NOP58: variants seen among roughly 807,000 people sequenced by gnomAD.
NOP58 encodes nucleolar protein 58.
A neutral mutation model predicts 71.2 loss-of-function variants in NOP58; 44 were observed. The ratio of observed to expected loss-of-function variants is 0.62; its 90% CI spans 0.49 to 0.79. The LOEUF (loss-of-function observed/expected upper bound fraction) is 0.79, where lower values mean the gene tolerates loss of function less well. NOP58 is among the 30% of genes least tolerant of loss of function. The pLI, the probability that NOP58 is intolerant of heterozygous loss-of-function variation, is 0.00. For synonymous variants in NOP58, 228 were observed against 200.3 expected (o/e 1.14, Z -1.17); for missense variants, 538 against 620.2 (o/e 0.87, Z 1.41).
intron 2 of NOP58, chr2:202,276,340 C>CA (rs140927221): frequency 0.045 from 7,894 of 176,826 alleles, 33 homozygotes; most frequent in South Asian, 0.077. Context: ...ACCCTGTCTC[C>CA]AAAAAAAAAA....
chr2:202,282,560 A>T (rs1305216156), intron 4 of NOP58, 88 bp downstream of exon 4: 18 of 1,321,436 alleles, frequency 1.4e-5, no homozygotes, highest in Non-Finnish European at 1.8e-5. Context: ...TAAGTTGCTT[A>T]TCATAAATTC....
At chr2:202,280,522 G>A (rs909375636) in intron 3 of NOP58, among the ~76,000 whole-genome samples, 3 of 152,182 alleles carry the variant, frequency 2.0e-5, no homozygotes, top group South Asian at 4.2e-4. Context: ...TAGTAGAGAC[G>A]GGGTTTTGCC....
At chr2:202,298,989 CTG>C (rs1262783890) in intron 12 of NOP58, among the ~76,000 whole-genome samples, 1 of 98,282 alleles carries the variant, frequency 1.0e-5, no homozygotes, top group African/African-American at 4.0e-5. Flanking sequence ...TTGAGACAGT[CTG>C]TCTCTGTTGC....
intron 1 of NOP58, 64 bp from the exon 2 acceptor site, chr2:202,275,049 G>T: frequency 2.9e-6 from 2 of 697,762 alleles, no homozygotes; most frequent in Non-Finnish European, 4.8e-6. Context: ...TGTATTTGAA[G>T]AATGCAGCTG....
At position 202,282,576 on chromosome 2, in the gene NOP58, A is replaced by G. The variant is rs955182059; in HGVS notation, c.297+104A>G. On this transcript the variant is annotated intron_variant, in intron 4 of 14. Transcript: ENST00000264279. ...AAGTTGCTTATCATAAATTCTCAAT[A>G]CATTTTTTTCTTTTCTCTAAGCTAC... 2.2e-5 allele frequency: 26 copies of G among 1,208,458 alleles called. No individual in the cohort carries two copies. The African/African-American group carries it at 3.6e-4, about 17-fold the overall frequency. 74.9% of individuals were successfully genotyped at this position (1,208,458 alleles called of 1,614,324 possible).
chr2:202,294,329 T>TC (rs552738562), intron 9 of NOP58, among the ~76,000 whole-genome samples: 120 of 115,772 alleles, frequency 1.0e-3, no homozygotes, highest in African/African-American at 3.5e-3. Flanking sequence ...AGAGTGAAAC[T>TC]CCATCTCAAA....
Sources: gnomAD v4.1 joint callset for allele counts (sites outside exome capture counted in the v4.1 genomes callset) on GRCh38, gnomAD v4.1.1 for gene constraint, MANE v1.5 for transcripts, NCBI Gene and HGNC (gene_info 2026-07-23, HGNC 2026-07-21) for gene names.